ESR1: variants seen among roughly 807,000 people sequenced by gnomAD.
ESR1 encodes estrogen receptor.
Under a neutral mutation model 52.7 loss-of-function variants are expected in ESR1, and 12 were observed. The ratio of observed to expected loss-of-function variants is 0.23; its 90% confidence interval spans 0.15 to 0.37. ESR1 has a LOEUF of 0.37. Among genes scored for constraint, ESR1 ranks in the 10% least tolerant of loss-of-function variants. The pLI, the probability that ESR1 is intolerant of heterozygous loss-of-function variation, is 1.00. For synonymous variants in ESR1, 305 were observed against 316.8 expected (o/e 0.96, Z 0.39); for missense variants, 584 against 779.7 (o/e 0.75, Z 2.99).
chr6:151,679,614 C>A (rs1477722978), intron 1 of ESR1, among the ~76,000 whole-genome samples: 3 of 152,198 alleles, frequency 2.0e-5, no homozygotes, highest in African/African-American at 7.2e-5. Context: ...CTCAGCCTCC[C>A]AAGAGCTCTC....
chr6:152,030,246 C>T (rs1256650430), intron 5 of ESR1, among the ~76,000 whole-genome samples: 3 of 152,166 alleles, frequency 2.0e-5, no homozygotes, highest in Non-Finnish European at 4.4e-5. Context: ...GCAAAATAAG[C>T]AGCTAACATC....
chr6:151,684,927 G>C (rs369706747), intron 1 of ESR1, among the ~76,000 whole-genome samples: 2 of 152,174 alleles, frequency 1.3e-5, no homozygotes, highest in South Asian at 2.1e-4. Flanking sequence ...ACTGCTAATC[G>C]GTACCTGGTA....
At chr6:151,707,962 A>G (rs1236570098) in intron 2 of ESR1, among the ~76,000 whole-genome samples, 1 of 152,040 alleles carries the variant, frequency 6.6e-6, no homozygotes, top group African/African-American at 2.4e-5. Context: ...TATTTCTATT[A>G]TGTTACAGAG....
chr6:151,705,554 A>G lies in ESR1; in HGVS notation c.-71+3549A>G, dbSNP rs74366500. On this transcript the variant is annotated intron_variant, in intron 2 of 2. Coordinates refer to the ESR1 transcript ENST00000404742. ...ACATGAATAATCAAGAACTGACTAC[A>G]ATATAATAATATGTGTCCATTTCCA... 1.9e-3 allele frequency among the ~76,000 whole-genome samples: 293 copies of G among 152,328 alleles called. 5 individuals are homozygous for G. In the East Asian group the frequency reaches 0.046, roughly 24 times the overall value.
exon 7 of ESR1, chr6:152,126,411 G>A (rs2053466304): frequency 6.6e-6 from 1 of 152,252 alleles, no homozygotes; most frequent in East Asian, 1.9e-4. Context: ...AGAGTCTTGG[G>A]AAATTTCATA....
chr6:151,790,482 A>G (rs1261543971), intron 2 of ESR1, among the ~76,000 whole-genome samples: 1 of 152,120 alleles, frequency 6.6e-6, no homozygotes, highest in Non-Finnish European at 1.5e-5. Flanking sequence ...GAAGGGGTTC[A>G]TGGCAAACAT....
At position 151,669,160 on chromosome 6, in the gene ESR1, G is replaced by GAGAA. The variant is rs1412220518; in HGVS notation, n.73+12400_73+12401insAAGA. 2.4e-3 allele frequency among the ~76,000 whole-genome samples: 297 copies of GAGAA among 124,520 alleles called. 7 individuals are homozygous for GAGAA. The highest frequency in any genetic ancestry group is 7.3e-3 in the African/African-American group (258 of 35,446). The allele number at this position is 124,520 out of a possible 152,430, so 81.7% of individuals were successfully genotyped here. ...CTTTGGGAGCTGGGAGAGAGAGAGA[G>GAGAA]AGAGAGAGAGAGAGAGAGAGAGAGA... On this transcript the variant is annotated intron_variant and non_coding_transcript_variant, in intron 1 of 2. Transcript: ENST00000473497.
Position 152,109,502 on chromosome 6 carries a change from C to CT in ESR1, c.851-15764_851-15763insT, listed in dbSNP as rs2051105992. ...GCAACATGGAGAAACTCCGTCTCTACCAAAAAAAAAAAAAGAAAGAAAGAA... is the reference window on the plus strand; with the variant it reads ...GCAACATGGAGAAACTCCGTCTCTACTCAAAAAAAAAAAAAGAAAGAAAGAA... On this transcript the variant is annotated intron_variant, in intron 6 of 6. Transcript: ENST00000427531. 1.1e-4 allele frequency among the ~76,000 whole-genome samples: 16 copies of CT among 145,530 alleles called. No homozygotes were observed. The South Asian group carries it at 1.1e-3, about 10-fold the overall frequency.
intron 2 of ESR1, among the ~76,000 whole-genome samples, chr6:151,740,105 T>G (rs1436004631): frequency 6.6e-6 from 1 of 151,954 alleles, no homozygotes; most frequent in Non-Finnish European, 1.5e-5. Flanking sequence ...TTTCTGCCAC[T>G]GATTTTTTCT....
rs530479877 is a variant in ESR1, at chr6:151,965,596, C to T, written c.1096+21088C>T. ...CTACCCTCTACCTACTTAATGAGTT[C>T]GATTATAGTTTTTCAGTTCACCCAC... On this transcript the variant is annotated intron_variant, in intron 4 of 7. Transcript: ENST00000206249. Among the ~76,000 whole-genome samples the T allele has an allele frequency of 2.1e-4, 32 of 152,018 alleles. No homozygotes were observed. The South Asian group carries it at 3.7e-3, about 18-fold the overall frequency.
intron 4 of ESR1, among the ~76,000 whole-genome samples, chr6:151,969,949 G>C (rs2038729898): frequency 6.6e-6 from 1 of 151,042 alleles, no homozygotes; most frequent in Non-Finnish European, 1.5e-5. Context: ...CTTATTCATT[G>C]CCTCCCTATG....
At chr6:151,864,839 C>CA (rs1343343001) in intron 2 of ESR1, among the ~76,000 whole-genome samples, 2 of 150,198 alleles carry the variant, frequency 1.3e-5, no homozygotes, top group Admixed American at 1.3e-4. Context: ...ATTGCAAGGA[C>CA]AAAAAACCAA....
chr6:151,729,443 T>A (rs1316278942), intron 2 of ESR1, among the ~76,000 whole-genome samples: 1 of 152,210 alleles, frequency 6.6e-6, no homozygotes. Context: ...GGAGCATATG[T>A]GGCCTATGTG....
At chr6:151,830,466 C>G (rs1416713179) in intron 1 of ESR1, among the ~76,000 whole-genome samples, 1 of 152,196 alleles carries the variant, frequency 6.6e-6, no homozygotes, top group East Asian at 1.9e-4. Context: ...GACTGGAAGT[C>G]AGGCTTTTTA....
chr6:151,927,697 T>A (rs2032967041), intron 3 of ESR1, among the ~76,000 whole-genome samples: 1 of 151,962 alleles, frequency 6.6e-6, no homozygotes, highest in East Asian at 1.9e-4. Context: ...CTTTCATTTA[T>A]GATATTGGTA....
intron 5 of ESR1, among the ~76,000 whole-genome samples, chr6:152,048,968 A>G (rs1458677464): frequency 6.6e-6 from 1 of 152,202 alleles, no homozygotes; most frequent in Non-Finnish European, 1.5e-5. Context: ...AAAACATTTA[A>G]ACAAAAGGTG....
intron 2 of ESR1, among the ~76,000 whole-genome samples, chr6:151,728,232 T>A (rs1300754129): frequency 2.0e-5 from 3 of 152,188 alleles, no homozygotes; most frequent in African/African-American, 4.8e-5. Flanking sequence ...CCAATAAGAT[T>A]CTAAGGATTA....
rs773683317 is a variant in ESR1, at chr6:151,944,419, C to G, written c.1007C>G (p.Pro336Arg). ...ILYSEYDPTR[P>R]FSEASMMGLL... ...TATTCCGAGTATGATCCTACCAGAC[C>G]CTTCAGTGAAGCTTCGATGATGGGC... The change falls in exon 4 of 8, where the codon CCC (proline) becomes CGC (arginine). Residue 336 changes from proline to arginine, a missense_variant. By Grantham distance (103) the Pro-to-Arg change is moderately radical (BLOSUM62 -2). Coordinates refer to ENST00000206249, the MANE Select transcript of ESR1 (RefSeq NM_000125.4). 6.2e-7 allele frequency: 1 copy of G among 1,614,068 alleles called. No homozygotes were observed. The highest frequency in any genetic ancestry group is 1.1e-5 in the South Asian group (1 of 91,090).
At chr6:152,050,056 G>A (rs1447763579) in intron 5 of ESR1, among the ~76,000 whole-genome samples, 3 of 152,138 alleles carry the variant, frequency 2.0e-5, no homozygotes, top group Non-Finnish European at 2.9e-5. Context: ...ACTGTTGGTC[G>A]GCTTCCTTTC....
Sources: allele counts gnomAD v4.1 joint callset (sites outside exome capture counted in the v4.1 genomes callset), GRCh38; gene constraint gnomAD v4.1.1; transcripts MANE v1.5; gene names NCBI Gene and HGNC (gene_info 2026-07-23, HGNC 2026-07-21).